MROH7: variants seen among roughly 807,000 people sequenced by gnomAD.
MROH7 encodes the protein maestro heat like repeat family member 7.
Under a neutral mutation model 129.2 loss-of-function variants are expected in MROH7, and 113 were observed. The ratio of observed to expected loss-of-function variants is 0.87; its 90% CI spans 0.75 to 1.02. The LOEUF (loss-of-function observed/expected upper bound fraction) is 1.02. Among genes scored for constraint, MROH7 ranks in the 50% least tolerant of loss-of-function variants. The pLI is 0.00. For synonymous variants in MROH7, 655 were observed against 667.9 expected, an observed-to-expected ratio of 0.98 and a Z score of 0.30; for missense variants, 1,601 against 1,671.3, an observed-to-expected ratio of 0.96 and a Z score of 0.73.
chr1:54,689,866 C>A (rs1400921541), intron 15 of MROH7, among the ~76,000 whole-genome samples: 1 of 152,120 alleles, frequency 6.6e-6, no homozygotes, highest in African/African-American at 2.4e-5. Context: ...AAAAATTAGC[C>A]AGGTGTGTGG....
intron 21 of MROH7, among the ~76,000 whole-genome samples, chr1:54,705,985 A>G (rs889696322): frequency 1.3e-5 from 2 of 152,148 alleles, no homozygotes; most frequent in African/African-American, 4.8e-5. Context: ...TCACTGTCCT[A>G]TTAAGAGTAA....
intron 1 of MROH7, among the ~76,000 whole-genome samples, chr1:54,649,462 C>T (rs959472023): frequency 4.6e-5 from 7 of 152,246 alleles, no homozygotes; most frequent in Admixed American, 1.3e-4. Flanking sequence ...TGGTAGAGGG[C>T]AAGCCATGGG....
At chr1:54,695,785 C>A in intron 17 of MROH7, 1 of 416,180 alleles carries the variant, frequency 2.4e-6, no homozygotes, top group South Asian at 2.1e-5. Context: ...TGACTCTACC[C>A]TGCCCTCAAG....
intron 3 of MROH7, among the ~76,000 whole-genome samples, chr1:54,657,663 A>G (rs1417980273): frequency 6.7e-6 from 1 of 150,182 alleles, no homozygotes; most frequent in Non-Finnish European, 1.5e-5. Flanking sequence ...GGCATAATCC[A>G]CTACACCTGG....
At chr1:54,699,142 C>CTTTCTTTCTTTCTTTCT (rs1557726973) in intron 17 of MROH7, 3 of 90,744 alleles carry the variant, frequency 3.3e-5, no homozygotes, top group Admixed American at 1.1e-4. Context: ...TTCTTTCTTT[C>CTTTCTTTCTTTCTTTCT]TTTCTTTCTT....
At chr1:54,674,305 GAAGCCC>G (rs1426417766) in intron 10 of MROH7, among the ~76,000 whole-genome samples, 154 bp downstream of exon 10, 1 of 152,204 alleles carries the variant, frequency 6.6e-6, no homozygotes, top group Non-Finnish European at 1.5e-5. Flanking sequence ...AAACTGGTGT[GAAGCCC>G]AAGACCCCAG....
chr1:54,678,846 G>A lies in MROH7; in HGVS notation c.2041G>A (p.Val681Met), dbSNP rs368926450. ...PVSPCQNILR[V>M]IEEFGDFLGP... ...GAGCCCGTGCCAGAACATTCTGCGG[G>A]TGATCGAGGTGACTGCCTGGTGCCC... The change falls in exon 11 of 24, where the codon GTG becomes ATG. Residue 681 changes from valine to methionine, a missense_variant. Val to Met is a conservative substitution (Grantham distance 21). Transcript: ENST00000421030. The A allele has an allele frequency of 6.2e-7, 1 of 1,613,632 alleles. No homozygotes were observed. Among genetic ancestry groups the A allele is most frequent in the Middle Eastern group, 1.7e-4 (1 of 6,052 alleles).
In MROH7 at chr1:54,694,162, G is replaced by A. The variant is rs141786556; in HGVS notation, c.2850-1214G>A. Among the ~76,000 whole-genome samples the A allele has an allele frequency of 3.3e-5, 5 of 152,274 alleles. No homozygotes were observed. The East Asian group carries it at 7.7e-4, about 24-fold the overall frequency. On this transcript the variant is annotated intron_variant, in intron 16 of 23. Coordinates refer to ENST00000421030, the MANE Select transcript of MROH7 (RefSeq NM_001039464.4). ...CTCCCAAAGTGTTCGGATTACAGGC[G>A]TGAGCCACGTCCCTCGGTGAAATAG...
Position 54,679,425 on chromosome 1 carries a change from A to C in MROH7, c.2212A>C (p.Arg738=). The part of the protein sequence containing the change: ...LSSVLEWYRH[R]ALEVIPEIMQ... Reference sequence around the variant, plus strand: ...CTCGGTGCTGGAGTGGTACCGCCACAGGGCGCTGGAGGTGGTAAGGCCTCC... The same window carrying C: ...CTCGGTGCTGGAGTGGTACCGCCACCGGGCGCTGGAGGTGGTAAGGCCTCC... Residue 738 remains arginine, a synonymous_variant, in exon 12 of 24, where the codon AGG becomes CGG. Coordinates refer to ENST00000421030, the MANE Select transcript of MROH7 (RefSeq NM_001039464.4). 1 of 1,612,714 alleles carries C rather than the reference A, an allele frequency of 6.2e-7. No homozygotes were observed. Among genetic ancestry groups the C allele is most frequent in the African/African-American group, 1.3e-5 (1 of 75,030 alleles).
At chr1:54,678,991 G>A in intron 11 of MROH7, 137 bp downstream of exon 11, 1 of 728,772 alleles carries the variant, frequency 1.4e-6, no homozygotes, top group East Asian at 2.7e-5. Context: ...CCTGTCCTGA[G>A]TGCCCTCCTC....
intron 3 of MROH7, among the ~76,000 whole-genome samples, chr1:54,663,091 T>A (rs995101797): frequency 2.0e-5 from 3 of 152,314 alleles, no homozygotes; most frequent in African/African-American, 7.2e-5. Flanking sequence ...GCCAAGGTTT[T>A]CCAGTGTGAA....
Position 54,686,316 on chromosome 1 carries a change from G to A in MROH7, c.2579G>A (p.Arg860His), listed in dbSNP as rs374919113. 1.2e-5 allele frequency: 19 copies of A among 1,613,992 alleles called. No individual in the cohort carries two copies. In the African/African-American group the frequency reaches 1.7e-4, roughly 15 times the overall value. Reference sequence around the variant, plus strand: ...AACAGCTGCATGGGCCGTGTGAGGCGCATCTACCCTCAGCTGCTCCTGGCC... The same window carrying A: ...AACAGCTGCATGGGCCGTGTGAGGCACATCTACCCTCAGCTGCTCCTGGCC... ...SVNSCMGRVR[R>H]IYPQLLLALL... The change falls in exon 15 of 24, where the codon CGC becomes CAC. Residue 860 changes from arginine to histidine, a missense_variant. Arg to His is a conservative substitution (Grantham distance 29). Coordinates refer to ENST00000421030, the MANE Select transcript of MROH7 (RefSeq NM_001039464.4).
At chr1:54,669,802 C>G (rs576113658) in intron 5 of MROH7, among the ~76,000 whole-genome samples, 1 of 152,002 alleles carries the variant, frequency 6.6e-6, no homozygotes, top group South Asian at 2.1e-4. Context: ...GAGTTCGAGA[C>G]AAGCCTGACC....
At chr1:54,689,756 C>T (rs1427225538) in intron 15 of MROH7, among the ~76,000 whole-genome samples, 2 of 152,174 alleles carry the variant, frequency 1.3e-5, no homozygotes, top group Non-Finnish European at 2.9e-5. Context: ...ATGCCTGTAA[C>T]CCCAGCACTC....
chr1:54,659,597 G>T (rs894424269), intron 3 of MROH7, among the ~76,000 whole-genome samples: 1 of 152,166 alleles, frequency 6.6e-6, no homozygotes, highest in Admixed American at 6.5e-5. Context: ...GGAATTACAG[G>T]CGCTAGCCAC....
In MROH7 at chr1:54,666,124, A is replaced by G. The variant is rs571186956; in HGVS notation, c.1305+884A>G. Among the ~76,000 whole-genome samples, 11 of 152,360 alleles carry G rather than the reference A, an allele frequency of 7.2e-5. No individual in the cohort carries two copies. In the East Asian group the frequency reaches 2.1e-3, roughly 29 times the overall value. ...ACAAAGCTGAAGTGAGGCCCATGCC[A>G]GATGATATGCACAGCACCTACCATG... On this transcript the variant is annotated intron_variant, in intron 4 of 23. Transcript: ENST00000421030.
chr1:54,700,283 C>G (rs749677101), intron 17 of MROH7, 38 bp from the exon 18 acceptor site: 75 of 1,613,568 alleles, frequency 4.6e-5, no homozygotes, highest in Non-Finnish European at 6.1e-5. Flanking sequence ...TGCCCTGCCC[C>G]CCTCAGCCTG....
chr1:54,675,231 C>T (rs1644962713), intron 10 of MROH7, among the ~76,000 whole-genome samples: 1 of 152,214 alleles, frequency 6.6e-6, no homozygotes, highest in African/African-American at 2.4e-5. Flanking sequence ...CTGCCTCAGC[C>T]TCTTAAAGTG....
rs72669947 is a variant in MROH7, at chr1:54,686,431, T to G, written c.2694T>G (p.Ser898=). 6.2e-7 allele frequency: 1 copy of G among 1,613,938 alleles called. No homozygotes were observed. The highest frequency in any genetic ancestry group is 1.7e-5 in the Admixed American group (1 of 60,020). The change falls in exon 15 of 24, where the codon TCT becomes TCG. Residue 898 remains serine, a synonymous_variant. Transcript: ENST00000421030. The part of the protein sequence containing the change: ...PKDTKKGAQP[S]PFVPVRWVVK... The stretch of plus-strand genomic sequence containing the variant: ...ACACCAAGAAGGGTGCACAGCCCTC[T>G]CCCTTCGTACCTGTGCGGTATGCTC...
Sources: gnomAD v4.1 joint callset for allele counts (sites outside exome capture counted in the v4.1 genomes callset) on GRCh38, gnomAD v4.1.1 for gene constraint, MANE v1.5 for transcripts, NCBI Gene and HGNC (gene_info 2026-07-23, HGNC 2026-07-21) for gene names.